Variants in PRUNE1 observed in about 807,000 individuals in gnomAD.
The protein encoded by PRUNE1 is exopolyphosphatase PRUNE1.
In PRUNE1, 25 loss-of-function variants were observed where a neutral mutation model predicts 42.5. The observed-to-expected ratio is 0.59, with a 90% CI of 0.43 to 0.82. The LOEUF is 0.82. PRUNE1 is among the 40% of genes least tolerant of loss of function. The pLI is 0.00. For missense variants in PRUNE1, 443 were observed against 539.3 expected (o/e 0.82, Z 1.77); for synonymous variants, 203 against 217.1 (o/e 0.93, Z 0.57).
chr1:151,023,719 G>GA (rs60113699), intron 3 of PRUNE1, among the ~76,000 whole-genome samples: 9,815 of 111,318 alleles, frequency 0.088, 672 homozygotes, highest in African/African-American at 0.21. Context: ...TTCCGTCTTA[G>GA]AAAAAAAAAA....
rs764487204 is a variant in PRUNE1 at position 151,008,674 on chromosome 1, A to G, written c.39+3A>G. On this transcript the variant is annotated splice_donor_region_variant and intron_variant, in intron 1 of 7. Transcript: ENST00000271620. ...AGGGTTGTCGAGCTGCTCTGCAGGT[A>G]ACGAATCCCTGTCTGTGACTGTAAG... 6 of 1,614,010 alleles carry G rather than the reference A, an allele frequency of 3.7e-6. No homozygotes were observed. The highest frequency in any genetic ancestry group is 3.4e-6 in the Non-Finnish European group (4 of 1,179,976).
intron 3 of PRUNE1, among the ~76,000 whole-genome samples, chr1:151,019,995 C>T (rs1292665915): frequency 6.6e-6 from 1 of 150,678 alleles, no homozygotes; most frequent in African/African-American, 2.4e-5. Context: ...CCATGCCCAG[C>T]TAATTTTTAT....
intron 7 of PRUNE1, among the ~76,000 whole-genome samples, chr1:151,030,150 T>C (rs896926508): frequency 5.3e-5 from 8 of 151,130 alleles, no homozygotes; most frequent in Admixed American, 4.0e-4. Flanking sequence ...TAGTCCCAGC[T>C]ACTCAGGAGG....
At chr1:151,028,654 C>T in intron 6 of PRUNE1, 132 bp from the exon 7 acceptor site, 2 of 876,536 alleles carry the variant, frequency 2.3e-6, no homozygotes, top group Admixed American at 2.4e-5. Flanking sequence ...GAACTCCTGA[C>T]CTCAAGTGAT....
intron 3 of PRUNE1, among the ~76,000 whole-genome samples, chr1:151,019,676 T>C (rs1454584169): frequency 6.6e-6 from 1 of 151,756 alleles, no homozygotes; most frequent in African/African-American, 2.4e-5. Flanking sequence ...ACTTATTAAA[T>C]TTTTTTTAGA....
At chr1:151,017,971 C>T in intron 2 of PRUNE1, 67 bp downstream of exon 2, 1 of 1,106,000 alleles carries the variant, frequency 9.0e-7, no homozygotes, top group Non-Finnish European at 1.4e-6. Flanking sequence ...ATTCAAGACC[C>T]AGCTCTACCA....
chr1:151,022,868 AAG>A (rs1674565016), intron 3 of PRUNE1: 1 of 152,174 alleles, frequency 6.6e-6, no homozygotes, highest in African/African-American at 2.4e-5. Flanking sequence ...TCAGTCTTGA[AAG>A]AGGACTAGGT....
At position 151,034,313 on chromosome 1, in the gene PRUNE1, G is replaced by A; in HGVS notation, c.*79G>A. The A allele has an allele frequency of 1.4e-6, 2 of 1,430,148 alleles. No homozygotes were observed. Among genetic ancestry groups the A allele is most frequent in the Non-Finnish European group, 9.6e-7 (1 of 1,045,254 alleles). The allele number at this position is 1,430,148 out of a possible 1,614,324, so 88.6% of individuals were successfully genotyped here. A position where few individuals can be genotyped will look rare whatever the true frequency, so the allele number is the denominator to read the frequency against. ...ATGTTTTGAGATGTTTGGAGATTCA[G>A]CAATTCTGTCTTCATTGCTCCAGGA... On this transcript the variant is annotated 3_prime_UTR_variant, in exon 8 of 8. Coordinates refer to ENST00000271620, the MANE Select transcript of PRUNE1 (RefSeq NM_021222.3).
Position 151,028,895 on chromosome 1 carries a change from C to T in PRUNE1, c.884C>T (p.Pro295Leu). 4 of 1,613,906 alleles carry T rather than the reference C, an allele frequency of 2.5e-6. No individual in the cohort carries two copies. The highest frequency in any genetic ancestry group is 3.4e-6 in the Non-Finnish European group (4 of 1,179,810). The stretch of plus-strand genomic sequence containing the variant: ...ATCTTTTTCAACACTCACAATGAGC[C>T]AGTGCGGCAGTTGGCTATTTTCTGT... Reference protein sequence around the residue: ...MTIFFNTHNEPVRQLAIFCPH... With the variant: ...MTIFFNTHNELVRQLAIFCPH... Residue 295 changes from proline (P) to leucine (L), a missense_variant, in exon 7 of 8, where the codon CCA becomes CTA. Pro to Leu is a moderately conservative substitution (Grantham distance 98, BLOSUM62 -3). Transcript: ENST00000271620.
intron 1 of PRUNE1, among the ~76,000 whole-genome samples, chr1:151,015,066 G>A (rs1049921631): frequency 1.3e-5 from 2 of 152,212 alleles, no homozygotes; most frequent in African/African-American, 4.8e-5. Flanking sequence ...GGTGGCTCAC[G>A]CCTGTAATCC....
intron 3 of PRUNE1, among the ~76,000 whole-genome samples, chr1:151,018,917 C>T (rs911014823): frequency 1.3e-5 from 2 of 152,168 alleles, no homozygotes; most frequent in African/African-American, 4.8e-5. Context: ...GTGGCAAGTG[C>T]CTGTAATCCC....
intron 5 of PRUNE1, among the ~76,000 whole-genome samples, chr1:151,026,465 A>T (rs868491477): frequency 1.3e-5 from 2 of 152,102 alleles, no homozygotes; most frequent in Non-Finnish European, 2.9e-5. Context: ...TCTCAAAAAA[A>T]AACAAAAAGA....
In PRUNE1 at chr1:151,034,610, A is replaced by G; in HGVS notation, c.*376A>G. On this transcript the variant is annotated 3_prime_UTR_variant, in exon 8 of 8. Coordinates refer to ENST00000271620, the MANE Select transcript of PRUNE1 (RefSeq NM_021222.3). ...GTATCTGTCATGGAACTGAACATTC[A>G]TCGATGGTCTCCATGTATTCATTTA... is the stretch of plus-strand genomic sequence containing the variant. The G allele has an allele frequency of 5.1e-6, 1 of 197,818 alleles. No individual in the cohort carries two copies. Among genetic ancestry groups the G allele is most frequent in the Non-Finnish European group, 1.1e-5 (1 of 94,274 alleles). The allele number at this position is 197,818 out of a possible 1,614,324, so 12.3% of individuals were successfully genotyped here.
At chr1:151,019,588 A>T (rs1252556284) in intron 3 of PRUNE1, among the ~76,000 whole-genome samples, 1 of 150,312 alleles carries the variant, frequency 6.7e-6, no homozygotes, top group East Asian at 1.9e-4. Flanking sequence ...TCTGAGACAG[A>T]TTTATTGTAA....
chr1:151,029,812 C>T (rs1295912350), intron 7 of PRUNE1, among the ~76,000 whole-genome samples: 1 of 151,900 alleles, frequency 6.6e-6, no homozygotes, highest in Non-Finnish European at 1.5e-5. Context: ...ATTAGAAATA[C>T]GAGAGACCTT....
chr1:151,010,408 T>C (rs1673703913), intron 1 of PRUNE1, among the ~76,000 whole-genome samples: 1 of 152,152 alleles, frequency 6.6e-6, no homozygotes, highest in South Asian at 2.1e-4. Flanking sequence ...TCTACAGCAA[T>C]ATGAAGCTGG....
At chr1:151,028,181 C>T (rs759523686) in intron 6 of PRUNE1, among the ~76,000 whole-genome samples, 137 of 152,212 alleles carry the variant, frequency 9.0e-4, no homozygotes, top group Non-Finnish European at 1.4e-3. Flanking sequence ...TCCTGACCAC[C>T]CTAACTGAAG....
rs994519976 is a variant in PRUNE1 at position 151,035,254 on chromosome 1, G to C, written c.*1020G>C. 6.6e-6 allele frequency: 1 copy of C among 152,176 alleles called. No individual in the cohort carries two copies. Among genetic ancestry groups the C allele is most frequent in the Non-Finnish European group, 1.5e-5 (1 of 68,088 alleles). The allele number at this position is 152,176 out of a possible 1,614,324, so 9.4% of individuals were successfully genotyped here. Reference sequence around the variant, plus strand: ...CTTGCTGCCATTCTTTCTCTCCTCTGCTTCTCTGTATTTTTCTTCTGTTAT... The same window carrying C: ...CTTGCTGCCATTCTTTCTCTCCTCTCCTTCTCTGTATTTTTCTTCTGTTAT... On this transcript the variant is annotated 3_prime_UTR_variant, in exon 8 of 8. Transcript: ENST00000271620.
intron 1 of PRUNE1, among the ~76,000 whole-genome samples, chr1:151,011,803 A>G (rs920584903): frequency 8.0e-5 from 12 of 150,940 alleles, no homozygotes; most frequent in Middle Eastern, 3.4e-3. Flanking sequence ...TTTTTGAGAC[A>G]AAGTCTCGCT....
Sources: gnomAD v4.1 joint callset for allele counts (sites outside exome capture counted in the v4.1 genomes callset) on GRCh38, gnomAD v4.1.1 for gene constraint, MANE v1.5 for transcripts, NCBI Gene and HGNC (gene_info 2026-07-23, HGNC 2026-07-21) for gene names.